Variants in PCDHGA6 observed in about 807,000 individuals in gnomAD.
PCDHGA6 encodes the protein protocadherin gamma subfamily A, 6.
Under a neutral mutation model 60.6 loss-of-function variants are expected in PCDHGA6, and 41 were observed. The ratio of observed to expected loss-of-function variants is 0.68; its 90% CI spans 0.53 to 0.88. PCDHGA6 has a LOEUF of 0.88. PCDHGA6 is among the 40% of genes least tolerant of loss of function. The pLI, the probability that PCDHGA6 is intolerant of heterozygous loss-of-function variation, is 0.00. For synonymous variants in PCDHGA6, 594 were observed against 524.4 expected, an observed-to-expected ratio of 1.13 and a Z score of -1.81; for missense variants, 1,312 against 1,203.0, an observed-to-expected ratio of 1.09 and a Z score of -1.34.
At chr5:141,419,928 T>G in intron 1 of PCDHGA6, 1 of 1,614,084 alleles carries the variant, frequency 6.2e-7, no homozygotes, top group South Asian at 1.1e-5. Flanking sequence ...GAGATGCAGT[T>G]TTACCTGGTG....
At chr5:141,402,908 G>A (rs772824235) in intron 1 of PCDHGA6, 1 of 1,545,226 alleles carries the variant, frequency 6.5e-7, no homozygotes, top group Admixed American at 2.0e-5. Context: ...TGATGAAGCA[G>A]CGCGCACAGA....
At chr5:141,409,122 T>G (rs1276365021) in intron 1 of PCDHGA6, 1 of 1,614,026 alleles carries the variant, frequency 6.2e-7, no homozygotes, top group South Asian at 1.1e-5. Context: ...AACCAGTCAT[T>G]TGATTTTGAA....
chr5:141,491,646 G>T lies in PCDHGA6; in HGVS notation c.2425-3161G>T. On this transcript the variant is annotated intron_variant, in intron 1 of 3. Transcript: ENST00000517434. The surrounding 1 kb of genome is among the most constrained non-coding windows in gnomAD (Gnocchi z 6.9). ...GCGTTCAGCAGCCCACAGCTCTGGC[G>T]CTGGAGCCTGACGCCATCCGGTCCC... is the stretch of plus-strand genomic sequence containing the variant. 1 of 1,613,872 alleles carries T rather than the reference G, an allele frequency of 6.2e-7. No individual in the cohort carries two copies. The highest frequency in any genetic ancestry group is 8.5e-7 in the Non-Finnish European group (1 of 1,180,030).
At chr5:141,399,864 G>A (rs762765678) in intron 1 of PCDHGA6, 1 of 1,612,860 alleles carries the variant, frequency 6.2e-7, no homozygotes. Flanking sequence ...GCGCTGCAGA[G>A]CCCGGCTACC....
intron 1 of PCDHGA6, chr5:141,420,313 C>T (rs751944742): frequency 1.6e-5 from 23 of 1,434,756 alleles, no homozygotes; most frequent in Non-Finnish European, 2.2e-5. Flanking sequence ...TTTTATATTA[C>T]AATATGCCAA....
At chr5:141,423,173 A>T (rs2096717258) in intron 1 of PCDHGA6, 1 of 1,613,330 alleles carries the variant, frequency 6.2e-7, no homozygotes, top group South Asian at 1.1e-5. Flanking sequence ...GCCGTCCAGG[A>T]CCACGGCCAG....
At chr5:141,414,233 T>A in intron 1 of PCDHGA6, 1 of 1,613,474 alleles carries the variant, frequency 6.2e-7, no homozygotes, top group Non-Finnish European at 8.5e-7. Flanking sequence ...GAGCTGACCA[T>A]CACGTCTCTA....
At chr5:141,499,127 A>G (rs1198571084) in intron 2 of PCDHGA6, among the ~76,000 whole-genome samples, 1 of 152,134 alleles carries the variant, frequency 6.6e-6, no homozygotes, top group Non-Finnish European at 1.5e-5. Flanking sequence ...TTCTCAGGTC[A>G]TCCTTTGGGT....
At chr5:141,413,369 A>G (rs767278842) in intron 1 of PCDHGA6, 1 of 1,613,964 alleles carries the variant, frequency 6.2e-7, no homozygotes, top group South Asian at 1.1e-5. Context: ...GAGCTGGCGG[A>G]GCGCGGAGTC....
intron 1 of PCDHGA6, chr5:141,479,417 T>A (rs2099495481): frequency 6.6e-6 from 1 of 152,210 alleles, no homozygotes; most frequent in Non-Finnish European, 1.5e-5. Context: ...ACTATGCTGA[T>A]CAATTGATCA....
At chr5:141,389,170 C>CCCTCT (rs2091633405) in intron 1 of PCDHGA6, 3 of 1,614,006 alleles carry the variant, frequency 1.9e-6, no homozygotes, top group Non-Finnish European at 2.5e-6. Context: ...GGCAAGCCTC[C>CCCTCT]CCTCTCCTCC....
intron 1 of PCDHGA6, among the ~76,000 whole-genome samples, chr5:141,425,691 T>C (rs1411905655): frequency 6.6e-6 from 1 of 152,238 alleles, no homozygotes. Context: ...TGCATATCAT[T>C]TCATAGTGGT....
At chr5:141,464,422 TATAG>T (rs2099083887) in intron 1 of PCDHGA6, among the ~76,000 whole-genome samples, 1 of 151,672 alleles carries the variant, frequency 6.6e-6, no homozygotes, top group African/African-American at 2.4e-5. Context: ...TATCTATATA[TATAG>T]ATATATATGT....
intron 1 of PCDHGA6, chr5:141,427,811 C>T (rs1335555425): frequency 6.6e-7 from 1 of 1,523,180 alleles, no homozygotes; most frequent in Admixed American, 1.7e-5. Flanking sequence ...GCGCACAGAG[C>T]GGGGTGGTGG....
At chr5:141,437,150 A>T (rs572721302) in intron 1 of PCDHGA6, among the ~76,000 whole-genome samples, 1 of 152,328 alleles carries the variant, frequency 6.6e-6, no homozygotes, top group East Asian at 1.9e-4. Flanking sequence ...CATAATTAAC[A>T]TATGTGTTGA....
chr5:141,494,586 G>A (rs770159202), intron 1 of PCDHGA6, among the ~76,000 whole-genome samples: 1 of 152,112 alleles, frequency 6.6e-6, no homozygotes, highest in Non-Finnish European at 1.5e-5. Context: ...GCTCACTGTG[G>A]TCAGATGAAA....
chr5:141,436,040 C>T (rs989038133), intron 1 of PCDHGA6, among the ~76,000 whole-genome samples: 1 of 152,060 alleles, frequency 6.6e-6, no homozygotes, highest in African/African-American at 2.4e-5. Context: ...TTTGTATTTA[C>T]ATTAGTTTTC....
At chr5:141,399,763 G>A (rs753865606) in intron 1 of PCDHGA6, 8 of 1,613,378 alleles carry the variant, frequency 5.0e-6, no homozygotes, top group Admixed American at 1.7e-5. Context: ...GAGCCTGCGC[G>A]TGTTGGTGGG....
At position 141,409,389 on chromosome 5, in the gene PCDHGA6, C is replaced by G; in HGVS notation, c.2424+32882C>G. On this transcript the variant is annotated intron_variant, in intron 1 of 3. Transcript: ENST00000517434. ...ACAGACATTCCATTCAAGATTTATT[C>G]TTCTTCCAATAACTACTACAAACTG... 6.2e-7 allele frequency: 1 copy of G among 1,614,006 alleles called. No homozygotes were observed. Among genetic ancestry groups the G allele is most frequent in the Admixed American group, 1.7e-5 (1 of 60,020 alleles).
Sources: gnomAD v4.1 joint callset for allele counts (sites outside exome capture counted in the v4.1 genomes callset) on GRCh38, gnomAD v4.1.1 for gene constraint, Gnocchi (gnomAD v3.1) non-coding constraint, MANE v1.5 for transcripts, NCBI Gene and HGNC (gene_info 2026-07-23, HGNC 2026-07-21) for gene names.